The following RSPH14 variants were observed in gnomAD, a reference collection of about 807,000 sequenced individuals.
RSPH14 encodes rhabdoid tumor deletion region gene 1.
RSPH14 carries 20 observed loss-of-function variants against 26.7 expected under a neutral mutation model. The observed-to-expected ratio is 0.75, with a 90% confidence interval of 0.53 to 1.09. The LOEUF (loss-of-function observed/expected upper bound fraction) is 1.09. Among genes scored for constraint, RSPH14 ranks in the 50% least tolerant of loss-of-function variants. RSPH14 has a pLI of 0.00. For synonymous variants in RSPH14, 177 were observed against 189.3 expected (o/e 0.93, Z 0.53); for missense variants, 449 against 457.2 (o/e 0.98, Z 0.16).
the RSPH14 span, among the ~76,000 whole-genome samples, chr22:23,153,317 A>C: frequency 6.6e-6 from 1 of 152,008 alleles, no homozygotes; most frequent in Non-Finnish European, 1.5e-5. Flanking sequence ...GTCAGTCCCA[A>C]AGTTGTCTCA....
At chr22:23,063,843 G>C in intron 5 of RSPH14, 59 bp downstream of exon 5, 4 of 1,547,706 alleles carry the variant, frequency 2.6e-6, no homozygotes, top group Non-Finnish European at 3.5e-6. Flanking sequence ...CTCTGGACCA[G>C]TCCAGCTCAG....
At chr22:23,064,200 T>G (rs2068154408) in intron 4 of RSPH14, 67 bp from the exon 5 acceptor site, 1 of 1,476,976 alleles carries the variant, frequency 6.8e-7, no homozygotes, top group South Asian at 1.2e-5. Context: ...CCAGTTGGCC[T>G]GCAGGGCTCA....
At chr22:23,067,114 G>A (rs1332438239) in intron 4 of RSPH14, among the ~76,000 whole-genome samples, 1 of 152,198 alleles carries the variant, frequency 6.6e-6, no homozygotes, top group East Asian at 1.9e-4. Context: ...ATATGTAGGG[G>A]CTAGGATGGG....
chr22:23,108,081 G>C (rs1486080752), intron 4 of RSPH14, among the ~76,000 whole-genome samples: 3 of 152,226 alleles, frequency 2.0e-5, no homozygotes. Context: ...CAGCCCATCT[G>C]TGGGCCAGGA....
the RSPH14 span, among the ~76,000 whole-genome samples, chr22:23,172,402 C>T: frequency 3.1e-5 from 4 of 130,022 alleles, no homozygotes; most frequent in East Asian, 2.3e-4. Context: ...GGTGACAGAG[C>T]GAGATTCTGT....
At chr22:23,144,643 A>C (rs5751590), upstream of RSPH14, among the ~76,000 whole-genome samples, 81,196 of 150,842 alleles carry the variant, frequency 0.54, 21,974 homozygotes, top group Middle Eastern at 0.56. Context: ...CCTTGAGCCT[A>C]GGAGTTCGAG....
intron 4 of RSPH14, among the ~76,000 whole-genome samples, chr22:23,105,971 T>A (rs776460851): frequency 3.3e-5 from 5 of 152,126 alleles, no homozygotes; most frequent in Non-Finnish European, 4.4e-5. Flanking sequence ...CCTTTCTGGG[T>A]CTGGGTGTGA....
chr22:23,062,952 C>A (rs2146209851), intron 5 of RSPH14, among the ~76,000 whole-genome samples: 2 of 152,352 alleles, frequency 1.3e-5, no homozygotes, highest in Middle Eastern at 6.8e-3. Context: ...GGGTTTAGGG[C>A]AGCAAACAGA....
chr22:23,123,204 C>T (rs772358501), intron 4 of RSPH14: 8 of 1,614,064 alleles, frequency 5.0e-6, no homozygotes, highest in Non-Finnish European at 6.8e-6. Flanking sequence ...GAAGATCCGC[C>T]GCATCCCGCT....
upstream of RSPH14, chr22:23,145,167 G>A: frequency 1.7e-6 from 1 of 600,194 alleles, no homozygotes; most frequent in South Asian, 2.0e-5. Context: ...CAGCCGAGCT[G>A]ATCACCAGAA....
intron 4 of RSPH14, among the ~76,000 whole-genome samples, chr22:23,077,659 C>T (rs1055603312): frequency 2.0e-5 from 3 of 152,152 alleles, no homozygotes; most frequent in African/African-American, 7.2e-5. Flanking sequence ...AAGTACCAGG[C>T]TCTGTGTTTG....
upstream of RSPH14, chr22:23,145,657 G>A: frequency 7.7e-7 from 1 of 1,297,010 alleles, no homozygotes; most frequent in Non-Finnish European, 1.0e-6. Context: ...CCCACTTCCC[G>A]CCCCTATAAC....
chr22:23,070,169 C>T (rs1182953908), intron 4 of RSPH14, among the ~76,000 whole-genome samples: 1 of 151,980 alleles, frequency 6.6e-6, no homozygotes, highest in African/African-American at 2.4e-5. Context: ...ACTGGCCCGT[C>T]CGTCAGCTGC....
intron 4 of RSPH14, among the ~76,000 whole-genome samples, chr22:23,090,261 G>C (rs1601780635): frequency 6.6e-6 from 1 of 152,054 alleles, no homozygotes; most frequent in African/African-American, 2.4e-5. Context: ...TCAGCCTACT[G>C]GCTGGTCCCT....
chr22:23,176,726 C>G, the RSPH14 span, among the ~76,000 whole-genome samples: 1 of 152,194 alleles, frequency 6.6e-6, no homozygotes, highest in East Asian at 1.9e-4. Context: ...TTCTGGGTCA[C>G]CAATGCCTTC....
the RSPH14 span, chr22:23,180,592 A>AGCGGCGGCGGCAG: frequency 2.0e-3 from 366 of 182,242 alleles, 1 homozygote; most frequent in African/African-American, 6.8e-3. Flanking sequence ...CGGCGGCGGC[A>AGCGGCGGCGGCAG]CGGCGGCGGC....
chr22:23,163,008 T>C, the RSPH14 span: 1 of 299,966 alleles, frequency 3.3e-6, no homozygotes, highest in South Asian at 3.0e-5. Flanking sequence ...GCCTCCCAGG[T>C]TGAAGCGATT....
At chr22:23,158,066 C>T in the RSPH14 span, 2 of 1,613,784 alleles carry the variant, frequency 1.2e-6, no homozygotes, top group Non-Finnish European at 1.7e-6. Context: ...TCTCTGGCCC[C>T]TGCAGTCTCC....
rs143436719 is a variant in RSPH14, at chr22:23,129,103, C to T, written c.421+4923G>A. 5.9e-3 allele frequency among the ~76,000 whole-genome samples: 893 copies of T among 152,240 alleles called. 2 individuals carry two copies. The highest frequency in any genetic ancestry group is 9.4e-3 in the Non-Finnish European group (639 of 68,012). ...ACAGAGCCACTGAAATAGATGCCCT[C>T]GCCACCCCCCAGGCCCCCCACCCAG... On this transcript the variant is annotated intron_variant, in intron 4 of 6. Transcript: ENST00000216036.
Sources: gnomAD v4.1 joint callset for allele counts (sites outside exome capture counted in the v4.1 genomes callset) on GRCh38, gnomAD v4.1.1 for gene constraint, MANE v1.5 for transcripts, NCBI Gene and HGNC (gene_info 2026-07-23, HGNC 2026-07-21) for gene names.